MDGA1: variants seen among roughly 807,000 people sequenced by gnomAD.
MDGA1 encodes the protein MAM domain-containing glycosylphosphatidylinositol anchor protein 1.
A neutral mutation model predicts 101.5 loss-of-function variants in MDGA1; 54 were observed. The ratio of observed to expected loss-of-function variants is 0.53; its 90% CI spans 0.43 to 0.67. The LOEUF is 0.67. Ranked by LOEUF, MDGA1 falls within the 30% of genes least tolerant of loss-of-function variation. The pLI, the probability that MDGA1 is intolerant of heterozygous loss-of-function variation, is 0.00. For missense variants in MDGA1, 1,083 were observed against 1,323.8 expected (o/e 0.82, Z 2.82); for synonymous variants, 533 against 558.3 (o/e 0.95, Z 0.64).
At chr6:37,647,661 G>A (rs1254505066) in intron 9 of MDGA1, among the ~76,000 whole-genome samples, 1 of 151,818 alleles carries the variant, frequency 6.6e-6, no homozygotes, top group Non-Finnish European at 1.5e-5. Flanking sequence ...GATGGGGAAA[G>A]AGATTGGGGG....
At chr6:37,662,643 A>AAAAAAAAGAAAAGAAAAG (rs572346506) in intron 2 of MDGA1, among the ~76,000 whole-genome samples, 10,027 of 145,146 alleles carry the variant, frequency 0.069, 508 homozygotes, top group East Asian at 0.16. Flanking sequence ...TCAAAAAAAA[A>AAAAAAAAGAAAAGAAAAG]AAAACAAGGA....
intron 14 of MDGA1, 108 bp downstream of exon 14, chr6:37,643,701 G>A: frequency 6.8e-7 from 1 of 1,472,150 alleles, no homozygotes; most frequent in Non-Finnish European, 9.2e-7. Flanking sequence ...TTAGCCAAGT[G>A]GGGAAGCTGA....
intron 1 of MDGA1, among the ~76,000 whole-genome samples, chr6:37,688,137 C>G (rs530566884): frequency 6.6e-6 from 1 of 152,208 alleles, no homozygotes; most frequent in Non-Finnish European, 1.5e-5. Flanking sequence ...CCAGGAAATG[C>G]CCTCAGAAAG....
At position 37,649,263 on chromosome 6, in the gene MDGA1, G is replaced by A. The variant is rs1300170295; in HGVS notation, c.1613C>T (p.Pro538Leu). 3 of 1,497,034 alleles carry A rather than the reference G, an allele frequency of 2.0e-6. No individual in the cohort carries two copies. The highest frequency in any genetic ancestry group is 2.7e-6 in the Non-Finnish European group (3 of 1,131,776). The allele number at this position is 1,497,034 out of a possible 1,614,324, so 92.7% of individuals were successfully genotyped here. Reference protein sequence around the residue: ...EAQVQLNVQFPPEVEPSSQDV... With the variant: ...EAQVQLNVQFLPEVEPSSQDV... ...CTGGGAACTGGGCTCCACCTCCGGC[G>A]GGACTGGGGGCGGGAGCGGCGGTCA... Residue 538 changes from proline to leucine, a missense_variant, in exon 9 of 17, where the codon CCG becomes CTG. Transcript: ENST00000434837.
At chr6:37,681,095 G>T (rs916372960) in intron 1 of MDGA1, among the ~76,000 whole-genome samples, 14 of 152,256 alleles carry the variant, frequency 9.2e-5, no homozygotes, top group African/African-American at 3.1e-4. Context: ...GCAGTGCCTG[G>T]GTCCTACCCT....
chr6:37,645,360 C>T (rs955048882), intron 12 of MDGA1, among the ~76,000 whole-genome samples: 1 of 152,000 alleles, frequency 6.6e-6, no homozygotes, highest in East Asian at 1.9e-4. Context: ...ATGGTGAAAC[C>T]CCATCTCTAT....
rs527688043 is a variant in MDGA1, at chr6:37,654,422, C to T, written c.834G>A (p.Gly278=). 2 of 1,613,974 alleles carry T rather than the reference C, an allele frequency of 1.2e-6. No homozygotes were observed. The highest frequency in any genetic ancestry group is 2.7e-5 in the African/African-American group (2 of 75,054). Residue 278 remains glycine (G), a synonymous_variant, in exon 6 of 17, where the codon GGG becomes GGA. Coordinates refer to ENST00000434837, the MANE Select transcript of MDGA1 (RefSeq NM_153487.4). ...GAGCACCCAGGGGCAGTGGGCCAGG[C>T]CCATGGGACCACTGCAGCTGGGGGA... ...DPLPQLQWSH[G]PGPLPLGALA...
rs977950131 is a variant in MDGA1, at chr6:37,649,344, C to T, written c.1610-78G>A. ...AGGAGTGGCCCGTGGGGAGGCAACG[C>T]GCTCGCCTCTAATGCCGTGAGCCCC... On this transcript the variant is annotated intron_variant, in intron 8 of 16. Coordinates refer to ENST00000434837, the MANE Select transcript of MDGA1 (RefSeq NM_153487.4). The T allele has an allele frequency of 4.3e-6, 6 of 1,405,262 alleles. No homozygotes were observed. The South Asian group carries it at 7.7e-5, about 18-fold the overall frequency. 87.0% of individuals were successfully genotyped at this position (1,405,262 alleles called of 1,614,324 possible). A position where few individuals can be genotyped will look rare whatever the true frequency, so the allele number is the denominator to read the frequency against.
In MDGA1 at chr6:37,649,216, G is replaced by C; in HGVS notation, c.1660C>G (p.Arg554Gly). 6.6e-7 allele frequency: 1 copy of C among 1,509,032 alleles called. No homozygotes were observed. The highest frequency in any genetic ancestry group is 8.8e-7 in the Non-Finnish European group (1 of 1,136,624). 93.5% of individuals were successfully genotyped at this position (1,509,032 alleles called of 1,614,324 possible). The change falls in exon 9 of 17, where the codon CGG becomes GGG. Residue 554 changes from arginine (R) to glycine (G), a missense_variant. By Grantham distance (125) the Arg-to-Gly change is moderately radical (BLOSUM62 -2). Around this residue, in one of 3 missense-constraint regions of MDGA1, gnomAD observed 657 missense variants for 771.4 expected, o/e 0.85. Coordinates refer to ENST00000434837, the MANE Select transcript of MDGA1 (RefSeq NM_153487.4). Reference sequence around the variant, plus strand: ...AGCGAGCAGCGCAGGAGCACGGGCCGGCCCAGCGCCTGGCGCACGTCCTGG... The same window carrying C: ...AGCGAGCAGCGCAGGAGCACGGGCCCGCCCAGCGCCTGGCGCACGTCCTGG... ...SSQDVRQALG[R>G]PVLLRCSLLR...
chr6:37,695,396 G>T (rs1762395649), intron 1 of MDGA1, among the ~76,000 whole-genome samples: 1 of 152,178 alleles, frequency 6.6e-6, no homozygotes, highest in Admixed American at 6.5e-5. Flanking sequence ...ATTCTTTCCT[G>T]CCTTTCCTGG....
chr6:37,658,017 C>G (rs1761530841), intron 3 of MDGA1, among the ~76,000 whole-genome samples: 1 of 152,226 alleles, frequency 6.6e-6, no homozygotes, highest in Non-Finnish European at 1.5e-5. Context: ...CCATCCTGCC[C>G]TCCCTGCTCA....
rs1763913993 is a variant in MDGA1, at chr6:37,635,720, A to G, written c.*1648T>C. 2.5e-6 allele frequency: 1 copy of G among 398,594 alleles called. No individual in the cohort carries two copies. Among genetic ancestry groups the G allele is most frequent in the African/African-American group, 2.1e-5 (1 of 48,638 alleles). The allele number at this position is 398,594 out of a possible 1,614,324, so 24.7% of individuals were successfully genotyped here. A position where few individuals can be genotyped will look rare whatever the true frequency, so the allele number is the denominator to read the frequency against. On this transcript the variant is annotated 3_prime_UTR_variant, in exon 17 of 17. Coordinates refer to ENST00000434837, the MANE Select transcript of MDGA1 (RefSeq NM_153487.4). Reference sequence around the variant, plus strand: ...AAGGAGCCCTGTGATGCTCCTCACCAAAGGTGCTTGCATTCAATAGGGTCA... The same window carrying G: ...AAGGAGCCCTGTGATGCTCCTCACCGAAGGTGCTTGCATTCAATAGGGTCA...
chr6:37,677,501 C>T (rs368261286), intron 1 of MDGA1, among the ~76,000 whole-genome samples: 12 of 152,180 alleles, frequency 7.9e-5, no homozygotes, highest in East Asian at 5.8e-4. Context: ...GGGTGTCCTG[C>T]GGCCATTAAA....
At position 37,652,303 on chromosome 6, in the gene MDGA1, C is replaced by A; in HGVS notation, c.1020G>T (p.Val340=). Residue 340 remains valine (V), a synonymous_variant, in exon 7 of 17, where the codon GTG becomes GTT. Coordinates refer to ENST00000434837, the MANE Select transcript of MDGA1 (RefSeq NM_153487.4). The surrounding 1 kb of genome is among the most constrained non-coding windows in gnomAD (Gnocchi z 4.3). ...KNATFQITPD[V]IKESENIQLG... is the part of the protein sequence containing the mutation. ...GCTGGATGTTCTCACTCTCTTTGAT[C>A]ACGTCAGGAGTGATCTGGAATGTAG... 6.2e-7 allele frequency: 1 copy of A among 1,613,768 alleles called. No individual in the cohort carries two copies. The highest frequency in any genetic ancestry group is 8.5e-7 in the Non-Finnish European group (1 of 1,179,814).
In MDGA1 at chr6:37,688,196, G is replaced by A. The variant is rs150542522; in HGVS notation, c.67+8549C>T. 4.1e-3 allele frequency among the ~76,000 whole-genome samples: 632 copies of A among 152,308 alleles called. 2 individuals are homozygous for A. The highest frequency in any genetic ancestry group is 0.015 in the African/African-American group (615 of 41,562). ...TTGGTCTGGCTTTTTCAGACACACT[G>A]TCTACACCAGCTGTGCCCAAGAATC... On this transcript the variant is annotated intron_variant, in intron 1 of 16. Coordinates refer to ENST00000434837, the MANE Select transcript of MDGA1 (RefSeq NM_153487.4).
At chr6:37,669,528 G>T (rs72847491) in intron 1 of MDGA1, among the ~76,000 whole-genome samples, 13,714 of 152,064 alleles carry the variant, frequency 0.09, 718 homozygotes, top group Middle Eastern at 0.13. Context: ...TTTTCAATTT[G>T]CTCATCACCC....
At chr6:37,648,770 C>A in intron 9 of MDGA1, 1 of 909,710 alleles carries the variant, frequency 1.1e-6, no homozygotes, top group Non-Finnish European at 1.6e-6. Flanking sequence ...GAGGGCGGGG[C>A]TGGGAGGCCC....
Position 37,649,889 on chromosome 6 carries a change from G to A in MDGA1, c.1609+220C>T, listed in dbSNP as rs1761315261. On this transcript the variant is annotated intron_variant, in intron 8 of 16. Transcript: ENST00000434837. ...CAAGTAATTTTTTTTTTGTTCACCG[G>A]GTCCCTGAAAATGAAGATGGGAGAT... 5.6e-6 allele frequency: 4 copies of A among 717,590 alleles called. No homozygotes were observed. The Admixed American group carries it at 8.1e-5, about 14-fold the overall frequency. The allele number at this position is 717,590 out of a possible 1,614,324, so 44.5% of individuals were successfully genotyped here. A position where few individuals can be genotyped will look rare whatever the true frequency, so the allele number is the denominator to read the frequency against.
chr6:37,655,588 G>T lies in MDGA1; in HGVS notation c.579+112C>A. 1.3e-6 allele frequency: 1 copy of T among 792,390 alleles called. No individual in the cohort carries two copies. Among genetic ancestry groups the T allele is most frequent in the Non-Finnish European group, 2.0e-6 (1 of 499,738 alleles). The allele number at this position is 792,390 out of a possible 1,614,324, so 49.1% of individuals were successfully genotyped here. On this transcript the variant is annotated intron_variant, in intron 4 of 16. Coordinates refer to ENST00000434837, the MANE Select transcript of MDGA1 (RefSeq NM_153487.4). This position sits in a 1 kb window ranked among gnomAD's most constrained non-coding sequence, Gnocchi z 5.1. The stretch of plus-strand genomic sequence containing the variant: ...TCCAATCAGAATGTGTGTTTCCAAA[G>T]TAAGAATAGAATTGTTGAAGTCAAG...
Sources: allele counts gnomAD v4.1 joint callset (sites outside exome capture counted in the v4.1 genomes callset), GRCh38; gene constraint gnomAD v4.1.1; regional missense constraint gnomAD v4.1.1; non-coding constraint Gnocchi (gnomAD v3.1); transcripts MANE v1.5; gene names NCBI Gene and HGNC (gene_info 2026-07-23, HGNC 2026-07-21).